Variants in FRMD4B observed in about 807,000 individuals in gnomAD.
FRMD4B encodes FERM domain containing 4B, also known as FERM domain-containing protein 4B.
A neutral mutation model predicts 141.5 loss-of-function variants in FRMD4B; 74 were observed. The ratio of observed to expected loss-of-function variants is 0.52; its 90% CI spans 0.43 to 0.63. FRMD4B has a LOEUF of 0.63. FRMD4B is among the 30% of genes least tolerant of loss of function. The probability of loss-of-function intolerance (pLI) is 0.00; values close to 1 mark genes in which losing one functional copy is unlikely to be tolerated. For synonymous variants in FRMD4B, 506 were observed against 467.9 expected, an observed-to-expected ratio of 1.08 and a Z score of -1.05; for missense variants, 1,366 against 1,253.4, an observed-to-expected ratio of 1.09 and a Z score of -1.36.
At position 69,274,926 on chromosome 3, in the gene FRMD4B, C is replaced by G. The variant is rs368483485; in HGVS notation, c.501+12826G>C. On this transcript the variant is annotated intron_variant, in intron 5 of 22. Coordinates refer to ENST00000398540, the MANE Select transcript of FRMD4B (RefSeq NM_015123.3). ...CACATAAAGGAAACCTGGTCCTAGC[C>G]TCACTGTGCTAGTTTATATTTAATG... Among the ~76,000 whole-genome samples the G allele has an allele frequency of 9.7e-4, 147 of 152,292 alleles. 2 individuals are homozygous for G. The highest frequency in any genetic ancestry group is 3.3e-3 in the African/African-American group (138 of 41,570).
At chr3:69,204,457 G>A (rs1025258378) in intron 11 of FRMD4B, among the ~76,000 whole-genome samples, 8 of 152,164 alleles carry the variant, frequency 5.3e-5, no homozygotes, top group African/African-American at 1.9e-4. Flanking sequence ...GACAGTCACA[G>A]CTGCAGTGTA....
At chr3:69,394,826 C>T (rs1704447479) in intron 2 of FRMD4B, among the ~76,000 whole-genome samples, 1 of 152,138 alleles carries the variant, frequency 6.6e-6, no homozygotes, top group Non-Finnish European at 1.5e-5. Flanking sequence ...CCATGGAATA[C>T]TATGCAGTCA....
chr3:69,193,644 T>C lies in FRMD4B; in HGVS notation c.1714+4A>G. On this transcript the variant is annotated splice_donor_region_variant and intron_variant, in intron 17 of 22. Transcript: ENST00000398540. ...CAAAAAAAAAAACCTTACTTATTAC[T>C]AACCTGGTAACACTGTTGCTTTCTG... 6.4e-7 allele frequency: 1 copy of C among 1,572,862 alleles called. No individual in the cohort carries two copies. Among genetic ancestry groups the C allele is most frequent in the Non-Finnish European group, 8.7e-7 (1 of 1,146,834 alleles).
chr3:69,348,281 T>C (rs530094535), intron 1 of FRMD4B, among the ~76,000 whole-genome samples: 1 of 151,996 alleles, frequency 6.6e-6, no homozygotes, highest in Non-Finnish European at 1.5e-5. Flanking sequence ...AGAATAAACC[T>C]GGAAGAAGTT....
intron 1 of FRMD4B, among the ~76,000 whole-genome samples, chr3:69,314,122 G>C (rs1701709923): frequency 1.0e-5 from 1 of 98,070 alleles, no homozygotes; most frequent in African/African-American, 4.5e-5. Context: ...CTGGGCGACA[G>C]AGCGAGACTC....
chr3:69,301,295 G>A (rs1055267416), intron 4 of FRMD4B, among the ~76,000 whole-genome samples: 4 of 152,032 alleles, frequency 2.6e-5, no homozygotes, highest in Admixed American at 1.3e-4. Flanking sequence ...CTCAAGCTAG[G>A]TAGAGAAATA....
At chr3:69,438,956 A>C (rs1190828434) in intron 1 of FRMD4B, among the ~76,000 whole-genome samples, 1 of 152,148 alleles carries the variant, frequency 6.6e-6, no homozygotes, top group Non-Finnish European at 1.5e-5. Context: ...AACCACACAG[A>C]ATTTATCTTC....
At chr3:69,325,688 G>A (rs1056667359) in intron 1 of FRMD4B, among the ~76,000 whole-genome samples, 16 of 152,140 alleles carry the variant, frequency 1.1e-4, no homozygotes, top group South Asian at 2.1e-4. Flanking sequence ...TTTGCCTCTT[G>A]TATTAAGGCA....
At position 69,456,085 on chromosome 3, in the gene FRMD4B, TTG is replaced by T. The variant is rs1311772157; in HGVS notation, c.-128-23326_-128-23325del. Among the ~76,000 whole-genome samples, 9 of 152,320 alleles carry T rather than the reference TTG, an allele frequency of 5.9e-5. No homozygotes were observed. In the South Asian group the frequency reaches 1.7e-3, roughly 28 times the overall value. Reference sequence around the variant, plus strand: ...CTGGTGCCGAGTATCTCTAAAGAACTTGTGAGCTTTCCATCACTTATATAGGG... The same window carrying T: ...CTGGTGCCGAGTATCTCTAAAGAACTTGAGCTTTCCATCACTTATATAGGG... On this transcript the variant is annotated intron_variant, in intron 1 of 5. Transcript: ENST00000459638.
chr3:69,314,172 A>AAAAAC (rs1701717502), intron 1 of FRMD4B, among the ~76,000 whole-genome samples: 1 of 112,274 alleles, frequency 8.9e-6, no homozygotes, highest in Non-Finnish European at 1.9e-5. Context: ...AAAAAAAAAA[A>AAAAAC]AGCCTCTCCA....
At chr3:69,187,353 C>T (rs760912920) in intron 19 of FRMD4B, among the ~76,000 whole-genome samples, 62 of 151,554 alleles carry the variant, frequency 4.1e-4, no homozygotes, top group Non-Finnish European at 8.2e-4. Context: ...CGAGACCACC[C>T]GGACCAACAT....
In FRMD4B at chr3:69,452,162, T is replaced by C. The variant is rs143449833; in HGVS notation, c.-128-19401A>G. 9.2e-5 allele frequency among the ~76,000 whole-genome samples: 14 copies of C among 152,382 alleles called. No individual in the cohort carries two copies. In the East Asian group the frequency reaches 2.3e-3, roughly 25 times the overall value. ...CAGATTATTTACTAAGTGCCAGCCA[T>C]GTGCAAAGCACTAGGGATGCAACAG... On this transcript the variant is annotated intron_variant, in intron 1 of 5. Transcript: ENST00000459638.
At chr3:69,444,861 T>C (rs1566328) in intron 1 of FRMD4B, among the ~76,000 whole-genome samples, 100,921 of 152,004 alleles carry the variant, frequency 0.66, 34,083 homozygotes, top group East Asian at 0.85. Flanking sequence ...GGCTCTGTAA[T>C]GCTAAACTAG....
chr3:69,232,182 G>A (rs1270511691), intron 7 of FRMD4B, among the ~76,000 whole-genome samples: 1 of 152,142 alleles, frequency 6.6e-6, no homozygotes, highest in African/African-American at 2.4e-5. Context: ...GACCCTAATG[G>A]CAACGGATAT....
intron 19 of FRMD4B, among the ~76,000 whole-genome samples, chr3:69,183,373 T>G (rs1263467032): frequency 6.6e-6 from 1 of 152,044 alleles, no homozygotes; most frequent in Non-Finnish European, 1.5e-5. Flanking sequence ...GCAGGATGGA[T>G]TTGGCCACTG....
At chr3:69,198,486 G>A in intron 12 of FRMD4B, 1 of 546,260 alleles carries the variant, frequency 1.8e-6, no homozygotes, top group South Asian at 2.5e-5. Context: ...ACTGCTGCTT[G>A]GGATGTAAAA....
At chr3:69,236,247 G>A (rs1315232694) in intron 7 of FRMD4B, among the ~76,000 whole-genome samples, 2 of 143,728 alleles carry the variant, frequency 1.4e-5, no homozygotes, top group African/African-American at 2.6e-5. Context: ...TTTTTTTTCC[G>A]AGATGGAGTC....
intron 1 of FRMD4B, among the ~76,000 whole-genome samples, chr3:69,439,297 C>T (rs537542669): frequency 3.3e-5 from 5 of 152,128 alleles, no homozygotes; most frequent in South Asian, 2.1e-4. Flanking sequence ...ACAAAGGATG[C>T]GACAGCACAC....
chr3:69,324,541 C>T (rs1018546664), intron 1 of FRMD4B, among the ~76,000 whole-genome samples: 10 of 152,198 alleles, frequency 6.6e-5, no homozygotes, highest in Admixed American at 1.3e-4. Flanking sequence ...GCATCCCTGA[C>T]CTCTACCCAC....
Sources: gnomAD v4.1 joint callset for allele counts (sites outside exome capture counted in the v4.1 genomes callset) on GRCh38, gnomAD v4.1.1 for gene constraint, MANE v1.5 for transcripts, NCBI Gene and HGNC (gene_info 2026-07-23, HGNC 2026-07-21) for gene names.